SAE1: variants seen among roughly 807,000 people sequenced by gnomAD.
SAE1 encodes the protein SUMO-activating enzyme subunit 1.
In SAE1, 11 loss-of-function variants were observed where a neutral mutation model predicts 40.6. The ratio of observed to expected loss-of-function variants is 0.27; its 90% CI spans 0.17 to 0.45. SAE1 has a LOEUF of 0.45. Ranked by LOEUF, SAE1 falls within the 20% of genes least tolerant of loss-of-function variation. SAE1 has a pLI of 1.00. For synonymous variants in SAE1, 155 were observed against 154.3 expected (o/e 1.00, Z -0.03); for missense variants, 373 against 427.3 (o/e 0.87, Z 1.12).
chr19:47,165,686 G>A (rs1160845487), intron 5 of SAE1, among the ~76,000 whole-genome samples: 3 of 152,176 alleles, frequency 2.0e-5, no homozygotes, highest in Admixed American at 1.3e-4. Flanking sequence ...GGTAAGACAG[G>A]TACCACCTTT....
chr19:47,202,545 C>T (rs1042413119), intron 7 of SAE1, among the ~76,000 whole-genome samples: 4 of 151,858 alleles, frequency 2.6e-5, no homozygotes, highest in Admixed American at 2.6e-4. Context: ...CTCGACCTCC[C>T]AAAGTGCTGG....
rs1182982415 is a variant in SAE1, at chr19:47,166,100, C to G, written c.628-3718C>G. ...CCAGACAACCCCAAGCTTCTCAGGA[C>G]TTTTTGTGGGCTGCTTCCCTGTTCT... On this transcript the variant is annotated intron_variant, in intron 5 of 8. Coordinates refer to ENST00000270225, the MANE Select transcript of SAE1 (RefSeq NM_005500.3). Among the ~76,000 whole-genome samples the G allele has an allele frequency of 2.6e-5, 4 of 152,194 alleles. No individual in the cohort carries two copies. The South Asian group carries it at 6.2e-4, about 24-fold the overall frequency.
chr19:47,155,085 T>C lies in SAE1; in HGVS notation c.528-29T>C. 2.2e-6 allele frequency: 3 copies of C among 1,369,052 alleles called. No homozygotes were observed. In the South Asian group the frequency reaches 3.5e-5, roughly 16 times the overall value. The allele number at this position is 1,369,052 out of a possible 1,614,324, so 84.8% of individuals were successfully genotyped here. A position where few individuals can be genotyped will look rare whatever the true frequency, so the allele number is the denominator to read the frequency against. The stretch of plus-strand genomic sequence containing the variant: ...CAATAACATGATTCCTAGGGTAAAA[T>C]TACATTCTCTCCCCTTGTCACCCTC... On this transcript the variant is annotated intron_variant, in intron 4 of 8. Coordinates refer to ENST00000270225, the MANE Select transcript of SAE1 (RefSeq NM_005500.3).
chr19:47,154,797 A>G (rs2058310768), intron 4 of SAE1, among the ~76,000 whole-genome samples: 1 of 152,138 alleles, frequency 6.6e-6, no homozygotes, highest in Non-Finnish European at 1.5e-5. Context: ...CACCCAGCCA[A>G]GTTTGGCTAT....
intron 2 of SAE1, among the ~76,000 whole-genome samples, chr19:47,144,190 C>T (rs2058240683): frequency 6.6e-6 from 1 of 152,088 alleles, no homozygotes; most frequent in Non-Finnish European, 1.5e-5. Flanking sequence ...AAAAATTAGC[C>T]AGGCATGTTG....
In SAE1 at chr19:47,130,961, A is replaced by G; in HGVS notation, c.31A>G (p.Ile11Val). MVEKEEAGGG[I>V]SEEEAAQYDR... ...GGAGAAGGAGGAGGCTGGCGGCGGC[A>G]TTAGCGAGGAGGAGGCGGCACAGTA... Residue 11 changes from isoleucine to valine, a missense_variant, in exon 1 of 9, where the codon ATT (isoleucine) becomes GTT (valine). Physicochemically the swap from Ile to Val is conservative, Grantham distance 29. Coordinates refer to ENST00000270225, the MANE Select transcript of SAE1 (RefSeq NM_005500.3). 1.3e-6 allele frequency: 2 copies of G among 1,549,964 alleles called. No homozygotes were observed. The highest frequency in any genetic ancestry group is 1.7e-6 in the Non-Finnish European group (2 of 1,146,510).
chr19:47,143,670 AT>A, intron 2 of SAE1, 65 bp downstream of exon 2: 2 of 1,214,422 alleles, frequency 1.6e-6, no homozygotes, highest in African/African-American at 1.5e-5. Flanking sequence ...AGATCTGCAG[AT>A]TTTGTGAGTT....
intron 6 of SAE1, among the ~76,000 whole-genome samples, chr19:47,170,946 T>A (rs940316900): frequency 6.6e-6 from 1 of 152,106 alleles, no homozygotes; most frequent in Non-Finnish European, 1.5e-5. Flanking sequence ...AAGTATTGGT[T>A]GGCTTTTCAG....
At chr19:47,196,375 C>CTTTTTTTTTT (rs2058616163) in intron 6 of SAE1, among the ~76,000 whole-genome samples, 2 of 28,260 alleles carry the variant, frequency 7.1e-5, no homozygotes, top group African/African-American at 3.4e-4. Context: ...TTTAATTTTA[C>CTTTTTTTTTT]TTTTTTGAGA....
chr19:47,204,059 T>A (rs1419599228), intron 8 of SAE1, among the ~76,000 whole-genome samples: 1 of 152,050 alleles, frequency 6.6e-6, no homozygotes, highest in Non-Finnish European at 1.5e-5. Context: ...CATAGCTCTA[T>A]AAGTGAGTAC....
intron 6 of SAE1, among the ~76,000 whole-genome samples, chr19:47,172,917 A>G (rs75521901): frequency 2.0e-5 from 3 of 152,268 alleles, no homozygotes; most frequent in African/African-American, 7.2e-5. Flanking sequence ...CCAGCTACAG[A>G]GGGGAATCTG....
intron 1 of SAE1, among the ~76,000 whole-genome samples, chr19:47,139,408 A>G (rs1351117076): frequency 6.6e-6 from 1 of 151,536 alleles, no homozygotes; most frequent in East Asian, 1.9e-4. Flanking sequence ...CTGGTTTCGA[A>G]CTCATGGGCT....
intron 5 of SAE1, among the ~76,000 whole-genome samples, chr19:47,164,758 C>T (rs2058381095): frequency 6.7e-6 from 1 of 148,898 alleles, no homozygotes. Context: ...AAGCGATTCT[C>T]CTGCCTCAGC....
chr19:47,193,788 A>G (rs1022492769), intron 6 of SAE1, among the ~76,000 whole-genome samples: 2 of 150,214 alleles, frequency 1.3e-5, no homozygotes, highest in Admixed American at 1.3e-4. Flanking sequence ...AGATCACGCC[A>G]TTGCACTCCA....
chr19:47,199,188 C>T (rs1166338398), intron 7 of SAE1, among the ~76,000 whole-genome samples: 17 of 151,880 alleles, frequency 1.1e-4, no homozygotes, highest in Admixed American at 1.1e-3. Flanking sequence ...AGATTGAGAC[C>T]ATCGTGGCTA....
intron 7 of SAE1, among the ~76,000 whole-genome samples, chr19:47,200,470 T>G (rs2058646783): frequency 6.7e-6 from 1 of 150,174 alleles, no homozygotes; most frequent in South Asian, 2.1e-4. Flanking sequence ...TCCTATTTTT[T>G]AAAGTTATGA....
At chr19:47,200,006 C>A (rs559541363) in intron 7 of SAE1, among the ~76,000 whole-genome samples, 49 of 151,978 alleles carry the variant, frequency 3.2e-4, no homozygotes, top group African/African-American at 1.1e-3. Flanking sequence ...TCTTGGCTCA[C>A]TGCAAGTTCC....
chr19:47,150,009 C>T (rs2058277666), intron 2 of SAE1, among the ~76,000 whole-genome samples, 193 bp from the exon 3 acceptor site: 1 of 141,572 alleles, frequency 7.1e-6, no homozygotes, highest in Non-Finnish European at 1.5e-5. Flanking sequence ...ACCCAGGAGG[C>T]GGAGGTTGCA....
chr19:47,182,177 G>T (rs1362113355), intron 6 of SAE1, among the ~76,000 whole-genome samples: 2 of 151,956 alleles, frequency 1.3e-5, no homozygotes, highest in South Asian at 2.1e-4. Flanking sequence ...TTTAAATGAC[G>T]TTGTCTTTGG....
Sources: gnomAD v4.1 joint callset for allele counts (sites outside exome capture counted in the v4.1 genomes callset) on GRCh38, gnomAD v4.1.1 for gene constraint, MANE v1.5 for transcripts, NCBI Gene and HGNC (gene_info 2026-07-23, HGNC 2026-07-21) for gene names.